Variants in TECRL observed in about 807,000 individuals in gnomAD.
TECRL encodes trans-2,3-enoyl-CoA reductase like.
A neutral mutation model predicts 52.8 loss-of-function variants in TECRL; 63 were observed. The observed-to-expected ratio is 1.19, with a 90% CI of 0.97 to 1.47. The LOEUF (loss-of-function observed/expected upper bound fraction) is 1.47, where lower values mean the gene tolerates loss of function less well. Ranked by LOEUF, TECRL falls within the 40% of genes most tolerant of loss-of-function variation. The pLI is 0.00. For synonymous variants in TECRL, 164 were observed against 141.9 expected, an observed-to-expected ratio of 1.16 and a Z score of -1.10; for missense variants, 482 against 429.6, an observed-to-expected ratio of 1.12 and a Z score of -1.08.
chr4:64,404,892 G>A (rs1301040164), intron 1 of TECRL, among the ~76,000 whole-genome samples: 1 of 152,140 alleles, frequency 6.6e-6, no homozygotes, highest in East Asian at 1.9e-4. Context: ...TACTGAACAT[G>A]AATGCTGTGT....
chr4:64,310,081 T>C, intron 5 of TECRL, 150 bp from the exon 6 acceptor site: 1 of 536,044 alleles, frequency 1.9e-6, no homozygotes, highest in Non-Finnish European at 3.3e-6. Flanking sequence ...TGCTTTAATA[T>C]TTTATTTTCA....
chr4:64,281,608 T>C (rs772251850), intron 9 of TECRL, 49 bp from the exon 10 acceptor site: 22 of 966,134 alleles, frequency 2.3e-5, no homozygotes, highest in Non-Finnish European at 3.2e-5. Context: ...ATTGCAAATC[T>C]GATCATATGC....
intron 2 of TECRL, among the ~76,000 whole-genome samples, chr4:64,357,745 A>C (rs1456067747): frequency 6.6e-6 from 1 of 151,504 alleles, no homozygotes; most frequent in Non-Finnish European, 1.5e-5. Context: ...GATGAAAAAT[A>C]ATTATTTCTA....
At position 64,277,946 on chromosome 4, in the gene TECRL, TAA is replaced by T. The variant is rs910181558; in HGVS notation, c.*2124_*2125del. The T allele has an allele frequency of 6.6e-6, 1 of 151,752 alleles. No individual in the cohort carries two copies. Among genetic ancestry groups the T allele is most frequent in the Non-Finnish European group, 1.5e-5 (1 of 67,748 alleles). The allele number at this position is 151,752 out of a possible 1,614,324, so 9.4% of individuals were successfully genotyped here. A position where few individuals can be genotyped will look rare whatever the true frequency, so the allele number is the denominator to read the frequency against. ...CATAGAAGATAGGTATTTAAAGATG[TAA>T]AAATAGAACAAATTTTTTCCACTCT... On this transcript the variant is annotated 3_prime_UTR_variant, in exon 12 of 12. Transcript: ENST00000381210.
chr4:64,312,955 C>A (rs1473656423), intron 5 of TECRL, among the ~76,000 whole-genome samples: 1 of 152,122 alleles, frequency 6.6e-6, no homozygotes, highest in Admixed American at 6.6e-5. Flanking sequence ...CTTTCACTTA[C>A]GAAAATGTGA....
chr4:64,356,708 C>CA (rs1313011887), intron 2 of TECRL, among the ~76,000 whole-genome samples: 1 of 152,170 alleles, frequency 6.6e-6, no homozygotes, highest in East Asian at 1.9e-4. Flanking sequence ...TGAGGGAACT[C>CA]AGAGACCAAT....
intron 2 of TECRL, among the ~76,000 whole-genome samples, chr4:64,348,934 A>T (rs1271828687): frequency 6.6e-6 from 1 of 152,068 alleles, no homozygotes; most frequent in Non-Finnish European, 1.5e-5. Context: ...AGTCCTGAGA[A>T]CATCTTGGAT....
intron 4 of TECRL, among the ~76,000 whole-genome samples, chr4:64,322,307 G>A (rs1717954092): frequency 6.6e-6 from 1 of 151,854 alleles, no homozygotes; most frequent in South Asian, 2.1e-4. Flanking sequence ...TCTCCTCAGG[G>A]GCAGCTTCCA....
chr4:64,323,293 AG>A (rs1435000242), intron 3 of TECRL, among the ~76,000 whole-genome samples: 4 of 151,972 alleles, frequency 2.6e-5, no homozygotes, highest in Middle Eastern at 3.2e-3. Context: ...GCAATTCAGG[AG>A]GCTGAGGTGG....
intron 9 of TECRL, among the ~76,000 whole-genome samples, chr4:64,286,576 G>C (rs968942810): frequency 2.7e-5 from 4 of 150,762 alleles, no homozygotes; most frequent in Admixed American, 2.0e-4. Context: ...AGAGTACCTA[G>C]TGATCTGGGG....
chr4:64,400,428 A>G (rs1271219770), intron 1 of TECRL, among the ~76,000 whole-genome samples: 2 of 152,148 alleles, frequency 1.3e-5, no homozygotes, highest in African/African-American at 2.4e-5. Flanking sequence ...CACTAAAATG[A>G]GTTAAGACTT....
chr4:64,330,107 T>C (rs1369425054), intron 2 of TECRL, among the ~76,000 whole-genome samples: 1 of 151,916 alleles, frequency 6.6e-6, no homozygotes, highest in African/African-American at 2.4e-5. Flanking sequence ...CCAAAATATG[T>C]TTATATGCTA....
intron 9 of TECRL, among the ~76,000 whole-genome samples, chr4:64,284,396 T>G (rs1722981425): frequency 6.6e-6 from 1 of 152,050 alleles, no homozygotes; most frequent in Non-Finnish European, 1.5e-5. Flanking sequence ...CCTCGTTTCG[T>G]GTTCTCAGGT....
At chr4:64,393,983 C>A (rs1341735638) in intron 1 of TECRL, among the ~76,000 whole-genome samples, 1 of 151,924 alleles carries the variant, frequency 6.6e-6, no homozygotes, top group Non-Finnish European at 1.5e-5. Context: ...GAAATTCAGA[C>A]TTTTTTGGAG....
chr4:64,366,466 G>T (rs1450820600), intron 2 of TECRL, among the ~76,000 whole-genome samples: 1 of 152,054 alleles, frequency 6.6e-6, no homozygotes, highest in African/African-American at 2.4e-5. Flanking sequence ...TATCAATGAA[G>T]TGAATGAACA....
chr4:64,370,905 A>G (rs1342629581), intron 2 of TECRL, among the ~76,000 whole-genome samples: 1 of 151,874 alleles, frequency 6.6e-6, no homozygotes, highest in African/African-American at 2.4e-5. Context: ...GCTTTGAAGT[A>G]AGCTTTGAAA....
chr4:64,284,895 G>A (rs1348155823), intron 9 of TECRL, among the ~76,000 whole-genome samples: 1 of 152,070 alleles, frequency 6.6e-6, no homozygotes, highest in East Asian at 1.9e-4. Flanking sequence ...TAAACTCACT[G>A]AGGGAAGAAT....
chr4:64,314,077 G>T (rs1717291069), intron 5 of TECRL, among the ~76,000 whole-genome samples: 1 of 151,282 alleles, frequency 6.6e-6, no homozygotes, highest in African/African-American at 2.4e-5. Context: ...GTGAACCCGG[G>T]AGGCGGAGCG....
rs777171822 is a variant in TECRL, at chr4:64,345,907, C to CA, written c.287-17352dup. On this transcript the variant is annotated intron_variant, in intron 2 of 11. Transcript: ENST00000381210. ...CCAACACTGATGGGTGCCTCAACAG[C>CA]AAAAAAAAAAAAAAAAAAAAAAAAC... Among the ~76,000 whole-genome samples, 72 of 23,340 alleles carry CA rather than the reference C, an allele frequency of 3.1e-3. 19 individuals are homozygous for CA. The highest frequency in any genetic ancestry group is 0.01 in the African/African-American group (54 of 5,342). 15.3% of individuals were successfully genotyped at this position (23,340 alleles called of 152,430 possible).
Sources: gnomAD v4.1 joint callset for allele counts (sites outside exome capture counted in the v4.1 genomes callset) on GRCh38, gnomAD v4.1.1 for gene constraint, MANE v1.5 for transcripts, NCBI Gene and HGNC (gene_info 2026-07-23, HGNC 2026-07-21) for gene names.